CHST11: variants seen among roughly 807,000 people sequenced by gnomAD.
CHST11 encodes the protein C4S-1.
CHST11 carries 9 observed loss-of-function variants against 30.4 expected under a neutral mutation model. The observed-to-expected ratio is 0.30, with a 90% confidence interval of 0.18 to 0.52. CHST11 has a LOEUF of 0.52. Among genes scored for constraint, CHST11 ranks in the 20% least tolerant of loss-of-function variants. The pLI, the probability that CHST11 is intolerant of heterozygous loss-of-function variation, is 0.97. For synonymous variants in CHST11, 152 were observed against 187.8 expected (o/e 0.81, Z 1.56); for missense variants, 348 against 460.6 (o/e 0.76, Z 2.24).
At chr12:104,673,886 G>A (rs979025021) in intron 2 of CHST11, among the ~76,000 whole-genome samples, 3 of 152,222 alleles carry the variant, frequency 2.0e-5, no homozygotes, top group Non-Finnish European at 4.4e-5. Context: ...CACGTTGGCT[G>A]AGCAGTGAGA....
chr12:104,703,383 G>A (rs2040006262), intron 2 of CHST11, among the ~76,000 whole-genome samples: 1 of 152,122 alleles, frequency 6.6e-6, no homozygotes, highest in South Asian at 2.1e-4. Context: ...GTCTTTTCAG[G>A]GTAAAATCCT....
At chr12:104,669,310 G>A (rs550270106) in intron 2 of CHST11, among the ~76,000 whole-genome samples, 2 of 152,336 alleles carry the variant, frequency 1.3e-5, no homozygotes, top group East Asian at 1.9e-4. Flanking sequence ...AAAAAGAGCA[G>A]CATGAAGGCT....
At chr12:104,644,441 G>A (rs1001167794) in intron 2 of CHST11, among the ~76,000 whole-genome samples, 3 of 152,188 alleles carry the variant, frequency 2.0e-5, no homozygotes, top group African/African-American at 7.2e-5. Context: ...AGTGTCTAAC[G>A]TGTGGCCAAT....
At chr12:104,623,100 G>C (rs2039175925) in intron 2 of CHST11, among the ~76,000 whole-genome samples, 1 of 152,214 alleles carries the variant, frequency 6.6e-6, no homozygotes, top group Non-Finnish European at 1.5e-5. Flanking sequence ...GTGAATGAAA[G>C]CAGCCAAGAC....
At chr12:104,641,872 T>C (rs1456270935) in intron 2 of CHST11, among the ~76,000 whole-genome samples, 2 of 152,184 alleles carry the variant, frequency 1.3e-5, no homozygotes, top group African/African-American at 4.8e-5. Context: ...CTGGCACTTC[T>C]AGGAGTTTAT....
chr12:104,733,061 A>C (rs886229127), intron 2 of CHST11, among the ~76,000 whole-genome samples: 1 of 152,208 alleles, frequency 6.6e-6, no homozygotes, highest in Non-Finnish European at 1.5e-5. Context: ...TGAGGCCCAG[A>C]CCAGTGAGGT....
At chr12:104,597,490 C>T (rs34725367) in intron 1 of CHST11, among the ~76,000 whole-genome samples, 7,017 of 152,140 alleles carry the variant, frequency 0.046, 290 homozygotes, top group African/African-American at 0.11. Context: ...AAAAAAATAA[C>T]CATAGCCTAA....
chr12:104,580,246 A>G lies in CHST11; in HGVS notation c.119-21660A>G, dbSNP rs541709571. 4.3e-4 allele frequency among the ~76,000 whole-genome samples: 66 copies of G among 152,304 alleles called. No individual in the cohort carries two copies. The East Asian group carries it at 8.9e-3, about 20-fold the overall frequency. The stretch of plus-strand genomic sequence containing the variant: ...ATTTCAGGCTTGAGCTGGAGTACGA[A>G]AGGAAATTGAAACTAAAGATTGGGT... On this transcript the variant is annotated intron_variant, in intron 1 of 2. Transcript: ENST00000303694.
chr12:104,696,796 A>G (rs959878340), intron 2 of CHST11, among the ~76,000 whole-genome samples: 1 of 152,196 alleles, frequency 6.6e-6, no homozygotes, highest in Admixed American at 6.5e-5. Flanking sequence ...TGTTTGTTTT[A>G]TACTGTGACT....
In CHST11 at chr12:104,634,600, A is replaced by G. The variant is rs566842555; in HGVS notation, c.204+32609A>G. On this transcript the variant is annotated intron_variant, in intron 2 of 2. Transcript: ENST00000303694. Reference sequence around the variant, plus strand: ...TCAACTTCTGTGTATTTTTGCACTTACAACTTCTTGGGGTCATTTTACTTT... The same window carrying G: ...TCAACTTCTGTGTATTTTTGCACTTGCAACTTCTTGGGGTCATTTTACTTT... 2.6e-5 allele frequency among the ~76,000 whole-genome samples: 4 copies of G among 152,262 alleles called. No homozygotes were observed. In the South Asian group the frequency reaches 8.3e-4, roughly 32 times the overall value.
In CHST11 at chr12:104,674,816, A is replaced by G. The variant is rs532971942; in HGVS notation, c.204+72825A>G. Among the ~76,000 whole-genome samples the G allele has an allele frequency of 8.9e-4, 135 of 151,710 alleles. 1 individual carries two copies. In the South Asian group the frequency reaches 0.017, roughly 19 times the overall value. ...AATGCCCTTGTCTTCTTGCCTGTGT[A>G]TGGTATAAAAAGGATGGTCTTTCAA... On this transcript the variant is annotated intron_variant, in intron 2 of 2. Coordinates refer to ENST00000303694, the MANE Select transcript of CHST11 (RefSeq NM_018413.6).
At chr12:104,656,885 C>T (rs1475188500) in intron 2 of CHST11, among the ~76,000 whole-genome samples, 4 of 152,192 alleles carry the variant, frequency 2.6e-5, no homozygotes, top group Non-Finnish European at 5.9e-5. Context: ...ACAGAGGTGA[C>T]AGTCCCAGTT....
intron 1 of CHST11, among the ~76,000 whole-genome samples, chr12:104,592,412 A>G (rs1304205276): frequency 6.6e-6 from 1 of 152,158 alleles, no homozygotes. Flanking sequence ...GTTCATAGAC[A>G]GTCCCTTCTT....
intron 1 of CHST11, among the ~76,000 whole-genome samples, chr12:104,493,864 C>T (rs1375614505): frequency 2.6e-5 from 4 of 152,008 alleles, no homozygotes; most frequent in African/African-American, 9.7e-5. Context: ...TGCTCTGTCA[C>T]CCAGGCTGAA....
Position 104,676,436 on chromosome 12 carries a change from G to A in CHST11, c.204+74445G>A, listed in dbSNP as rs566704620. On this transcript the variant is annotated intron_variant, in intron 2 of 2. Coordinates refer to ENST00000303694, the MANE Select transcript of CHST11 (RefSeq NM_018413.6). The surrounding 1 kb of genome is among the most constrained non-coding windows in gnomAD (Gnocchi z 4.4). The stretch of plus-strand genomic sequence containing the variant: ...GAGTCACTGCCTCCTTTTCTTTTGA[G>A]ACAGAGTCTCGCTCTGTCACCAGGC... 6.6e-6 allele frequency among the ~76,000 whole-genome samples: 1 copy of A among 152,230 alleles called. No homozygotes were observed. Among genetic ancestry groups the A allele is most frequent in the Non-Finnish European group, 1.5e-5 (1 of 68,022 alleles).
chr12:104,507,101 G>C (rs555269661), intron 1 of CHST11, among the ~76,000 whole-genome samples: 1 of 152,346 alleles, frequency 6.6e-6, no homozygotes, highest in East Asian at 1.9e-4. Flanking sequence ...TTGGAGGGAA[G>C]GGTCTGAGCT....
intron 2 of CHST11, among the ~76,000 whole-genome samples, chr12:104,662,081 A>G (rs570632982): frequency 1.6e-4 from 25 of 152,322 alleles, no homozygotes; most frequent in African/African-American, 5.8e-4. Flanking sequence ...TGATGGCCAC[A>G]AGATTAAAGT....
chr12:104,646,182 C>A (rs1282952276), intron 2 of CHST11, among the ~76,000 whole-genome samples: 1 of 152,168 alleles, frequency 6.6e-6, no homozygotes, highest in Non-Finnish European at 1.5e-5. Flanking sequence ...AGATCCACTC[C>A]CCGCATCCCG....
At chr12:104,665,812 CTTTTTTTTTTTTTTTT>C (rs59199522) in intron 2 of CHST11, among the ~76,000 whole-genome samples, 13 of 78,842 alleles carry the variant, frequency 1.6e-4, no homozygotes, top group African/African-American at 3.3e-4. Context: ...CTCTCTGTCT[CTTTTTTTTTTTTTTTT>C]TTTTTTTTTT....
Sources: gnomAD v4.1 joint callset for allele counts (sites outside exome capture counted in the v4.1 genomes callset) on GRCh38, gnomAD v4.1.1 for gene constraint, Gnocchi (gnomAD v3.1) non-coding constraint, MANE v1.5 for transcripts, NCBI Gene and HGNC (gene_info 2026-07-23, HGNC 2026-07-21) for gene names.